Variants in TCF12 observed in about 807,000 individuals in gnomAD.
The protein encoded by TCF12 is DNA-binding protein HTF4.
In TCF12, 45 loss-of-function variants were observed where a neutral mutation model predicts 86.0. The ratio of observed to expected loss-of-function variants is 0.52; its 90% CI spans 0.41 to 0.67. The LOEUF (loss-of-function observed/expected upper bound fraction) is 0.67, where lower values mean the gene tolerates loss of function less well. Among genes scored for constraint, TCF12 ranks in the 30% least tolerant of loss-of-function variants. TCF12 has a pLI of 0.00. For missense variants in TCF12, 881 were observed against 859.9 expected (o/e 1.02, Z -0.31); for synonymous variants, 330 against 299.6 (o/e 1.10, Z -1.05).
At chr15:57,108,541 A>G (rs991136363) in intron 5 of TCF12, among the ~76,000 whole-genome samples, 8 of 152,142 alleles carry the variant, frequency 5.3e-5, no homozygotes, top group Non-Finnish European at 8.8e-5. Context: ...ACTAGCCGAA[A>G]GAAACTGGCT....
intron 19 of TCF12, among the ~76,000 whole-genome samples, chr15:57,279,933 G>A (rs1271402670): frequency 7.5e-5 from 9 of 119,948 alleles, no homozygotes; most frequent in African/African-American, 1.4e-4. Flanking sequence ...TCTTCTTGTC[G>A]CCCAGGCTGG....
At chr15:57,088,914 A>G (rs753497353) in intron 4 of TCF12, among the ~76,000 whole-genome samples, 1 of 152,116 alleles carries the variant, frequency 6.6e-6, no homozygotes, top group Non-Finnish European at 1.5e-5. Context: ...ACTTGTGATA[A>G]TCGTATTTAA....
At chr15:56,943,122 A>C (rs554553750) in intron 3 of TCF12, among the ~76,000 whole-genome samples, 90 of 152,280 alleles carry the variant, frequency 5.9e-4, no homozygotes, top group African/African-American at 2.0e-3. Flanking sequence ...CTTTTCGTCT[A>C]TATGTAAATG....
chr15:57,059,451 T>A (rs1386209691), intron 3 of TCF12, among the ~76,000 whole-genome samples: 1 of 152,114 alleles, frequency 6.6e-6, no homozygotes, highest in Non-Finnish European at 1.5e-5. Context: ...CTTTCTTGGG[T>A]CATCAGACTC....
At chr15:57,026,675 A>AT (rs2065842965) in intron 3 of TCF12, among the ~76,000 whole-genome samples, 1 of 152,102 alleles carries the variant, frequency 6.6e-6, no homozygotes, top group Non-Finnish European at 1.5e-5. Flanking sequence ...ATTTCATTTT[A>AT]TATATTTTAA....
chr15:57,031,252 C>G (rs761690522), intron 3 of TCF12, among the ~76,000 whole-genome samples: 13 of 152,130 alleles, frequency 8.5e-5, no homozygotes, highest in Non-Finnish European at 1.6e-4. Flanking sequence ...TTGCTAAGGG[C>G]TAGATGTGGC....
intron 4 of TCF12, among the ~76,000 whole-genome samples, chr15:57,081,678 C>G (rs2070673248): frequency 6.6e-6 from 1 of 152,174 alleles, no homozygotes; most frequent in Admixed American, 6.5e-5. Context: ...GCTGGGACTA[C>G]AGGCGCATGC....
At chr15:56,948,037 T>C (rs373031422) in intron 3 of TCF12, among the ~76,000 whole-genome samples, 2 of 149,704 alleles carry the variant, frequency 1.3e-5, no homozygotes, top group Non-Finnish European at 2.9e-5. Context: ...GTGTGACTTA[T>C]TTATCACTTT....
intron 13 of TCF12, among the ~76,000 whole-genome samples, chr15:57,250,956 G>A (rs1227831974): frequency 9.1e-5 from 13 of 143,316 alleles, no homozygotes; most frequent in African/African-American, 3.2e-4. Flanking sequence ...GAGAATAAGG[G>A]AAATAATAAT....
At chr15:57,009,604 G>A (rs1367225568) in intron 3 of TCF12, among the ~76,000 whole-genome samples, 4 of 152,170 alleles carry the variant, frequency 2.6e-5, no homozygotes, top group Non-Finnish European at 5.9e-5. Flanking sequence ...GTTTGTATGT[G>A]GTGTGTTAAA....
intron 5 of TCF12, among the ~76,000 whole-genome samples, chr15:57,110,189 G>C (rs930065712): frequency 6.6e-6 from 1 of 151,826 alleles, no homozygotes; most frequent in African/African-American, 2.4e-5. Flanking sequence ...TGGTTCTAAG[G>C]GTCAATAAAA....
At chr15:56,922,510 G>A (rs1316121194) in intron 3 of TCF12, among the ~76,000 whole-genome samples, 1 of 152,022 alleles carries the variant, frequency 6.6e-6, no homozygotes, top group African/African-American at 2.4e-5. Flanking sequence ...CTGGGATATA[G>A]ATTATAAGCA....
intron 5 of TCF12, among the ~76,000 whole-genome samples, chr15:57,104,978 A>G (rs1025815240): frequency 1.4e-5 from 2 of 147,398 alleles, no homozygotes; most frequent in African/African-American, 2.5e-5. Context: ...GGTTCAAGCA[A>G]TTCTCCTGCC....
intron 5 of TCF12, among the ~76,000 whole-genome samples, chr15:57,117,102 CT>C (rs11333426): frequency 0.9 from 133,788 of 149,136 alleles, 60,267 homozygotes; most frequent in East Asian, 0.97. Flanking sequence ...CTGTTAACAC[CT>C]TTTTTTTTTT....
chr15:57,183,321 A>G (rs1380787461), intron 6 of TCF12, among the ~76,000 whole-genome samples: 1 of 152,202 alleles, frequency 6.6e-6, no homozygotes, highest in Admixed American at 6.5e-5. Flanking sequence ...ATGACTTTAT[A>G]TACACAAATG....
intron 3 of TCF12, among the ~76,000 whole-genome samples, chr15:57,038,866 T>C (rs2566857): frequency 1 from 152,065 of 152,318 alleles, 75,908 homozygotes; most frequent in East Asian, 1. Flanking sequence ...GCAGTGGTTC[T>C]TTGGGTATAT....
chr15:57,129,299 G>A (rs1462053544), intron 5 of TCF12, among the ~76,000 whole-genome samples: 2 of 152,206 alleles, frequency 1.3e-5, no homozygotes, highest in Non-Finnish European at 2.9e-5. Context: ...TATGGCTTAT[G>A]CCTATAATCC....
At chr15:57,167,399 T>TA (rs2151549037) in intron 6 of TCF12, among the ~76,000 whole-genome samples, 2 of 152,084 alleles carry the variant, frequency 1.3e-5, no homozygotes, top group South Asian at 4.2e-4. Context: ...TGTCTCTACT[T>TA]AAAATGTAAA....
At chr15:57,064,756 A>G (rs2068723610) in intron 4 of TCF12, among the ~76,000 whole-genome samples, 1 of 142,698 alleles carries the variant, frequency 7.0e-6, no homozygotes. Context: ...AGATCATGCC[A>G]CTGGACTCAA....
Sources: allele counts gnomAD v4.1 joint callset (sites outside exome capture counted in the v4.1 genomes callset), GRCh38; gene constraint gnomAD v4.1.1; transcripts MANE v1.5; gene names NCBI Gene and HGNC (gene_info 2026-07-23, HGNC 2026-07-21).